Variants in LHFPL2 observed in about 807,000 individuals in gnomAD.
The protein encoded by LHFPL2 is LHFPL tetraspan subfamily member 2.
LHFPL2 carries 7 observed loss-of-function variants against 17.5 expected under a neutral mutation model. The observed-to-expected ratio is 0.40, with a 90% CI of 0.23 to 0.75. The LOEUF is 0.75. Among genes scored for constraint, LHFPL2 ranks in the 30% least tolerant of loss-of-function variants. The pLI is 0.37. For synonymous variants in LHFPL2, 134 were observed against 116.2 expected, an observed-to-expected ratio of 1.15 and a Z score of -0.99; for missense variants, 241 against 294.8, an observed-to-expected ratio of 0.82 and a Z score of 1.34.
intron 2 of LHFPL2, among the ~76,000 whole-genome samples, chr5:78,617,632 T>G (rs1412365017): frequency 1.3e-5 from 2 of 152,024 alleles, no homozygotes; most frequent in African/African-American, 4.8e-5. Context: ...CTTGAAAGAA[T>G]AACTGCAAAG....
intron 2 of LHFPL2, among the ~76,000 whole-genome samples, chr5:78,592,354 T>C (rs1743656982): frequency 6.6e-6 from 1 of 152,216 alleles, no homozygotes; most frequent in Non-Finnish European, 1.5e-5. Flanking sequence ...ACTGAGGGAA[T>C]TCTTTCCTCT....
At chr5:78,546,045 C>T (rs1478259619) in intron 3 of LHFPL2, among the ~76,000 whole-genome samples, 1 of 152,190 alleles carries the variant, frequency 6.6e-6, no homozygotes. Context: ...ATGTTACTTA[C>T]TGAGTTCTAA....
intron 2 of LHFPL2, among the ~76,000 whole-genome samples, chr5:78,575,717 T>G (rs905748984): frequency 6.6e-6 from 1 of 152,208 alleles, no homozygotes; most frequent in Non-Finnish European, 1.5e-5. Context: ...AGTTCTCTCC[T>G]TTATTTTTCC....
intron 2 of LHFPL2, among the ~76,000 whole-genome samples, chr5:78,613,106 G>GGGGCAAGGCCAAGGAATGA (rs1744473602): frequency 1.3e-5 from 2 of 152,226 alleles, no homozygotes; most frequent in Admixed American, 6.5e-5. Context: ...CTGAGGGGCA[G>GGGGCAAGGCCAAGGAATGA]GGGCAAGGCC....
At chr5:78,494,664 C>T in intron 4 of LHFPL2, 1 of 239,328 alleles carries the variant, frequency 4.2e-6, no homozygotes, top group Non-Finnish European at 6.8e-6. Flanking sequence ...ATAGCTGGTG[C>T]TCGCCCTCCC....
intron 4 of LHFPL2, among the ~76,000 whole-genome samples, 169 bp downstream of exon 4, chr5:78,509,615 C>T (rs1452874317): frequency 1.3e-5 from 2 of 152,118 alleles, no homozygotes; most frequent in Admixed American, 6.5e-5. Context: ...GAGACCCATG[C>T]GAGCAGCACA....
At chr5:78,547,781 C>T (rs1169537178) in intron 3 of LHFPL2, among the ~76,000 whole-genome samples, 1 of 152,234 alleles carries the variant, frequency 6.6e-6, no homozygotes, top group African/African-American at 2.4e-5. Context: ...CTCGGTTTAA[C>T]TGCCGCTCAG....
intron 2 of LHFPL2, among the ~76,000 whole-genome samples, chr5:78,586,302 TC>T (rs1743396488): frequency 6.6e-6 from 1 of 152,288 alleles, no homozygotes; most frequent in Non-Finnish European, 1.5e-5. Flanking sequence ...TTCACAGTGA[TC>T]AAACAGGACA....
chr5:78,604,259 C>T (rs969464444), intron 2 of LHFPL2, among the ~76,000 whole-genome samples: 7 of 152,176 alleles, frequency 4.6e-5, no homozygotes, highest in African/African-American at 1.7e-4. Flanking sequence ...AGGCGGATCA[C>T]CTGAGGTCAG....
chr5:78,507,775 C>T (rs1754974611), intron 4 of LHFPL2, among the ~76,000 whole-genome samples: 2 of 152,124 alleles, frequency 1.3e-5, no homozygotes, highest in South Asian at 4.1e-4. Flanking sequence ...TGTGCAAATA[C>T]AACAGAGCGA....
At chr5:78,609,736 T>A (rs951118147) in intron 2 of LHFPL2, among the ~76,000 whole-genome samples, 17 of 152,156 alleles carry the variant, frequency 1.1e-4, no homozygotes, top group Non-Finnish European at 2.2e-4. Context: ...CTTGTACTTT[T>A]ACCTATTCTT....
rs1430544650 is a variant in LHFPL2, at chr5:78,585,297, G to A, written c.-244-20426C>T. The stretch of plus-strand genomic sequence containing the variant: ...GCTGGGATTACAGGCGTGAGCCACC[G>A]CGCCCGGCCTGGTGCGCTGTTTTTT... On this transcript the variant is annotated intron_variant, in intron 2 of 4. Transcript: ENST00000380345. Among the ~76,000 whole-genome samples, 5 of 66,670 alleles carry A rather than the reference G, an allele frequency of 7.5e-5. No individual in the cohort carries two copies. The East Asian group carries it at 1.3e-3, about 17-fold the overall frequency. 43.7% of individuals were successfully genotyped at this position (66,670 alleles called of 152,430 possible).
At chr5:78,494,994 A>AG (rs1754560002) in intron 4 of LHFPL2, among the ~76,000 whole-genome samples, 1 of 152,212 alleles carries the variant, frequency 6.6e-6, no homozygotes, top group African/African-American at 2.4e-5. Flanking sequence ...TTTATGTCTT[A>AG]GGTAAATTTT....
Position 78,564,887 on chromosome 5 carries a change from GAACAAA to G in LHFPL2, c.-244-22_-244-17del, listed in dbSNP as rs1756818960. ...AAAATGCCACCTGGAAAAACAAATT[GAACAAA>G]GAGTTAGATTTTAAAAACACATACA... is the stretch of plus-strand genomic sequence containing the variant. On this transcript the variant is annotated splice_polypyrimidine_tract_variant and intron_variant, in intron 2 of 4. Coordinates refer to ENST00000380345, the MANE Select transcript of LHFPL2 (RefSeq NM_005779.3). 1 of 152,148 alleles carries G rather than the reference GAACAAA, an allele frequency of 6.6e-6. No individual in the cohort carries two copies. Among genetic ancestry groups the G allele is most frequent in the Admixed American group, 6.5e-5 (1 of 15,274 alleles). The allele number at this position is 152,148 out of a possible 1,614,324, so 9.4% of individuals were successfully genotyped here.
At chr5:78,507,329 T>TAA (rs769112900) in intron 4 of LHFPL2, among the ~76,000 whole-genome samples, 2 of 139,506 alleles carry the variant, frequency 1.4e-5, no homozygotes, top group East Asian at 2.1e-4. Flanking sequence ...GAATCTGTCT[T>TAA]AAAAAAAAAA....
chr5:78,553,207 C>T (rs1432749091), intron 3 of LHFPL2, among the ~76,000 whole-genome samples: 1 of 152,216 alleles, frequency 6.6e-6, no homozygotes, highest in Admixed American at 6.5e-5. Context: ...CCTGACCACA[C>T]TCTGCACTTC....
At chr5:78,564,387 C>T (rs1756806691) in intron 3 of LHFPL2, among the ~76,000 whole-genome samples, 1 of 152,146 alleles carries the variant, frequency 6.6e-6, no homozygotes, top group Non-Finnish European at 1.5e-5. Flanking sequence ...CACAAGCCTT[C>T]CATATGAGCT....
intron 2 of LHFPL2, among the ~76,000 whole-genome samples, chr5:78,572,180 T>C (rs1185340885): frequency 2.6e-5 from 4 of 151,994 alleles, no homozygotes; most frequent in South Asian, 4.2e-4. Context: ...ACTGCAAACA[T>C]ATAGGAGGTG....
chr5:78,502,909 G>A (rs552668675), intron 4 of LHFPL2, among the ~76,000 whole-genome samples: 4 of 152,130 alleles, frequency 2.6e-5, no homozygotes, highest in South Asian at 4.2e-4. Flanking sequence ...TTGTGGACAC[G>A]TATTTGTACT....
Sources: allele counts gnomAD v4.1 joint callset (sites outside exome capture counted in the v4.1 genomes callset), GRCh38; gene constraint gnomAD v4.1.1; transcripts MANE v1.5; gene names NCBI Gene and HGNC (gene_info 2026-07-23, HGNC 2026-07-21).